NPSR1: variants seen among roughly 807,000 people sequenced by gnomAD.
NPSR1 encodes neuropeptide S receptor 1, also known as neuropeptide S receptor.
NPSR1 carries 48 observed loss-of-function variants against 46.9 expected under a neutral mutation model. That is an observed-to-expected ratio of 1.02 (90% CI 0.81 to 1.30). NPSR1 has a LOEUF of 1.30. NPSR1 is among the 50% of genes most tolerant of loss of function. The probability of loss-of-function intolerance (pLI) is 0.00; values close to 1 mark genes in which losing one functional copy is unlikely to be tolerated. For missense variants in NPSR1, 450 were observed against 449.5 expected, an observed-to-expected ratio of 1.00 and a Z score of -0.01; for synonymous variants, 176 against 168.1, an observed-to-expected ratio of 1.05 and a Z score of -0.36.
intron 4 of NPSR1, among the ~76,000 whole-genome samples, chr7:34,813,190 G>A (rs1466343783): frequency 1.3e-5 from 2 of 152,102 alleles, no homozygotes; most frequent in Admixed American, 1.3e-4. Context: ...TCTCAGTGGA[G>A]GAATGGCTAA....
At chr7:34,754,140 C>T (rs1455672377) in intron 2 of NPSR1, among the ~76,000 whole-genome samples, 4 of 152,106 alleles carry the variant, frequency 2.6e-5, no homozygotes, top group African/African-American at 9.7e-5. Flanking sequence ...CTCCCCCTGT[C>T]CTTTTCTGAG....
intron 3 of NPSR1, among the ~76,000 whole-genome samples, chr7:34,804,995 C>G (rs1788622486): frequency 6.6e-6 from 1 of 151,490 alleles, no homozygotes; most frequent in Admixed American, 6.6e-5. Context: ...TATACAAGAT[C>G]TATTGAAGAC....
downstream of NPSR1, among the ~76,000 whole-genome samples, chr7:34,850,423 C>G (rs957678077): frequency 9.1e-6 from 1 of 109,656 alleles, no homozygotes; most frequent in Non-Finnish European, 1.7e-5. Context: ...TTTTTTTTGA[C>G]AGAGTCTCGC....
chr7:34,824,308 G>T (rs1199195979), intron 4 of NPSR1, among the ~76,000 whole-genome samples: 1 of 152,214 alleles, frequency 6.6e-6, no homozygotes, highest in East Asian at 1.9e-4. Context: ...CTAAGCGGCA[G>T]AGAAGTACAG....
intron 4 of NPSR1, among the ~76,000 whole-genome samples, chr7:34,817,903 T>G (rs1168066225): frequency 1.3e-5 from 2 of 152,194 alleles, no homozygotes; most frequent in Non-Finnish European, 2.9e-5. Flanking sequence ...AACTAGGTAT[T>G]GATTGAACAT....
intron 2 of NPSR1, among the ~76,000 whole-genome samples, chr7:34,696,681 C>T (rs1013433757): frequency 6.6e-6 from 1 of 151,438 alleles, no homozygotes; most frequent in Non-Finnish European, 1.5e-5. Context: ...AAAGAAAGGA[C>T]AAAAAATACA....
intron 2 of NPSR1, among the ~76,000 whole-genome samples, chr7:34,771,264 G>A (rs969931983): frequency 2.6e-5 from 4 of 152,192 alleles, no homozygotes; most frequent in East Asian, 1.9e-4. Flanking sequence ...GTGAGATCCC[G>A]TCTCTATGAA....
At chr7:34,812,319 G>A (rs537357230) in intron 4 of NPSR1, among the ~76,000 whole-genome samples, 5 of 152,036 alleles carry the variant, frequency 3.3e-5, no homozygotes, top group East Asian at 3.9e-4. Context: ...ATTGATCATC[G>A]TATTGGGAAA....
chr7:34,834,297 A>G (rs1790264473), intron 5 of NPSR1, 87 bp from the exon 6 acceptor site: 2 of 933,478 alleles, frequency 2.1e-6, no homozygotes, highest in East Asian at 2.4e-5. Flanking sequence ...CACACCTTGC[A>G]CTCGGGGAGG....
chr7:34,751,269 T>C (rs1785508884), intron 2 of NPSR1: 3 of 976,422 alleles, frequency 3.1e-6, no homozygotes, highest in Non-Finnish European at 5.0e-6. Context: ...GAGACTTTTC[T>C]AGCATGGTGA....
At chr7:34,658,998 T>C (rs150192103) in intron 1 of NPSR1, among the ~76,000 whole-genome samples, 61 of 152,298 alleles carry the variant, frequency 4.0e-4, no homozygotes, top group African/African-American at 1.1e-3. Context: ...AGAAACAACA[T>C]TGAATAAGGC....
At chr7:34,684,785 C>A (rs1021186108) in intron 2 of NPSR1, 101 bp downstream of exon 2, 2 of 948,112 alleles carry the variant, frequency 2.1e-6, no homozygotes, top group Non-Finnish European at 3.0e-6. Context: ...TGTAACGCAT[C>A]GGTCAATTTG....
intron 8 of NPSR1, chr7:34,878,031 G>A: frequency 2.6e-6 from 3 of 1,136,558 alleles, no homozygotes; most frequent in Non-Finnish European, 3.9e-6. Flanking sequence ...CAAATAGGAA[G>A]ACCCAGGTCC....
rs557219271 is a variant in NPSR1, at chr7:34,862,588, G to C, written c.1025+13925G>C. Among the ~76,000 whole-genome samples, 7 of 151,812 alleles carry C rather than the reference G, an allele frequency of 4.6e-5. No homozygotes were observed. The South Asian group carries it at 1.5e-3, about 31-fold the overall frequency. ...GCCTGGATGGACCCTAACTCATACAGCTTCTCTGTAGATACTTTTGGGAAC... is the reference window on the plus strand; with the variant it reads ...GCCTGGATGGACCCTAACTCATACACCTTCTCTGTAGATACTTTTGGGAAC... On this transcript the variant is annotated intron_variant, in intron 8 of 8. Coordinates refer to the NPSR1 transcript ENST00000359791.
At chr7:34,717,410 C>T (rs551278223) in intron 2 of NPSR1, among the ~76,000 whole-genome samples, 14 of 152,340 alleles carry the variant, frequency 9.2e-5, no homozygotes, top group African/African-American at 2.2e-4. Flanking sequence ...GGATTACAGG[C>T]GTGAGCCACT....
intron 3 of NPSR1, among the ~76,000 whole-genome samples, chr7:34,804,447 A>T (rs1007947957): frequency 1.3e-5 from 2 of 152,130 alleles, no homozygotes; most frequent in Non-Finnish European, 2.9e-5. Context: ...ATCAATGGAC[A>T]CAGGAAAAGC....
intron 3 of NPSR1, among the ~76,000 whole-genome samples, chr7:34,785,404 A>C (rs1451712289): frequency 8.4e-6 from 1 of 119,744 alleles, no homozygotes; most frequent in Non-Finnish European, 1.7e-5. Context: ...GGGGGGAGGG[A>C]TAGCATTAGG....
chr7:34,746,750 A>G (rs1357330916), intron 2 of NPSR1, among the ~76,000 whole-genome samples: 1 of 152,198 alleles, frequency 6.6e-6, no homozygotes, highest in African/African-American at 2.4e-5. Context: ...ATTTAGAAGG[A>G]AAAATGAAAA....
In NPSR1 at chr7:34,701,372, A is replaced by G. The variant is rs577117846; in HGVS notation, c.280+16688A>G. On this transcript the variant is annotated intron_variant, in intron 2 of 8. Coordinates refer to ENST00000360581, the MANE Select transcript of NPSR1 (RefSeq NM_207172.2). Reference sequence around the variant, plus strand: ...ACCACCTACAGAAAAACTTTTTCATAAACTGTTATATCTCCCATTGATTCT... The same window carrying G: ...ACCACCTACAGAAAAACTTTTTCATGAACTGTTATATCTCCCATTGATTCT... Among the ~76,000 whole-genome samples the G allele has an allele frequency of 9.2e-5, 14 of 152,294 alleles. No homozygotes were observed. The East Asian group carries it at 2.7e-3, about 29-fold the overall frequency.
Sources: gnomAD v4.1 joint callset for allele counts (sites outside exome capture counted in the v4.1 genomes callset) on GRCh38, gnomAD v4.1.1 for gene constraint, MANE v1.5 for transcripts, NCBI Gene and HGNC (gene_info 2026-07-23, HGNC 2026-07-21) for gene names.